The following COL23A1 variants were observed in gnomAD, a reference collection of about 807,000 sequenced individuals.
COL23A1 encodes the protein collagen type XXIII alpha 1 chain.
COL23A1 carries 97 observed loss-of-function variants against 99.3 expected under a neutral mutation model. The observed-to-expected ratio is 0.98, with a 90% CI of 0.83 to 1.16. The LOEUF (loss-of-function observed/expected upper bound fraction) is 1.16, where lower values mean the gene tolerates loss of function less well. Among genes scored for constraint, COL23A1 ranks in the 50% most tolerant of loss-of-function variants. The pLI is 0.00. For missense variants in COL23A1, 762 were observed against 757.4 expected, an observed-to-expected ratio of 1.01 and a Z score of -0.07; for synonymous variants, 320 against 308.2, an observed-to-expected ratio of 1.04 and a Z score of -0.40.
At position 178,463,083 on chromosome 5, in the gene COL23A1, G is replaced by A. The variant is rs115354362; in HGVS notation, c.361+97599C>T. On this transcript the variant is annotated intron_variant, in intron 2 of 28. Transcript: ENST00000390654. ...GTTAGGTGCAATTTCACGCCTCACC[G>A]CGCAGCGACACAAAGGGAACTATTT... is the stretch of plus-strand genomic sequence containing the variant. Among the ~76,000 whole-genome samples the A allele has an allele frequency of 8.0e-4, 122 of 152,334 alleles. 1 individual carries two copies. Among genetic ancestry groups the A allele is most frequent in the Middle Eastern group, 3.4e-3 (1 of 294 alleles).
At chr5:178,426,317 C>T (rs1272131214) in intron 2 of COL23A1, among the ~76,000 whole-genome samples, 1 of 152,228 alleles carries the variant, frequency 6.6e-6, no homozygotes, top group African/African-American at 2.4e-5. Context: ...GTCTCAACTT[C>T]AGCTCATCGC....
At position 178,309,684 on chromosome 5, in the gene COL23A1, C is replaced by T. The variant is rs1758562387; in HGVS notation, c.362-2765G>A. Among the ~76,000 whole-genome samples the T allele has an allele frequency of 7.3e-6, 1 of 136,648 alleles. No homozygotes were observed. The highest frequency in any genetic ancestry group is 2.8e-5 in the African/African-American group (1 of 36,184). 89.6% of individuals were successfully genotyped at this position (136,648 alleles called of 152,430 possible). ...CTTACCTGCAGGTCCCAGCAGCACC[C>T]AAGCAGTCAAGCCAGAGACCCCCCC... On this transcript the variant is annotated intron_variant, in intron 2 of 28. Coordinates refer to ENST00000390654, the MANE Select transcript of COL23A1 (RefSeq NM_173465.4). This position sits in a 1 kb window ranked among gnomAD's most constrained non-coding sequence, Gnocchi z 4.7.
chr5:178,419,931 C>T (rs752967199), intron 2 of COL23A1, among the ~76,000 whole-genome samples: 1 of 152,204 alleles, frequency 6.6e-6, no homozygotes, highest in Non-Finnish European at 1.5e-5. Flanking sequence ...GTCACTTTAC[C>T]CTTTTTGTCT....
intron 2 of COL23A1, among the ~76,000 whole-genome samples, chr5:178,423,296 T>G (rs1397128570): frequency 1.3e-5 from 2 of 152,088 alleles, no homozygotes; most frequent in African/African-American, 4.8e-5. Context: ...GAATTTTGCA[T>G]TTTGATCTTT....
chr5:178,361,798 C>T (rs1762188867), intron 2 of COL23A1, among the ~76,000 whole-genome samples: 1 of 152,146 alleles, frequency 6.6e-6, no homozygotes, highest in South Asian at 2.1e-4. Context: ...GAGCCATGCA[C>T]CGGCTCTCAC....
In COL23A1 at chr5:178,309,315, C is replaced by T. The variant is rs1268820268; in HGVS notation, c.362-2396G>A. Among the ~76,000 whole-genome samples, 1 of 152,124 alleles carries T rather than the reference C, an allele frequency of 6.6e-6. No homozygotes were observed. Among genetic ancestry groups the T allele is most frequent in the African/African-American group, 2.4e-5 (1 of 41,436 alleles). On this transcript the variant is annotated intron_variant, in intron 2 of 28. Transcript: ENST00000390654. The surrounding 1 kb of genome is among the most constrained non-coding windows in gnomAD (Gnocchi z 4.7). ...CCCAGGCAGGGTAGGGTGCCTGCCTCCCAGGGTCACTGGGCGATGCCCCCT... is the reference window on the plus strand; with the variant it reads ...CCCAGGCAGGGTAGGGTGCCTGCCTTCCAGGGTCACTGGGCGATGCCCCCT...
chr5:178,539,091 C>T (rs1284635856), intron 2 of COL23A1, among the ~76,000 whole-genome samples: 2 of 152,104 alleles, frequency 1.3e-5, no homozygotes, highest in African/African-American at 2.4e-5. Flanking sequence ...TAGGGGTTAA[C>T]GGCTAAGGGG....
Position 178,245,929 on chromosome 5 carries a change from A to G in COL23A1, c.1440+13T>C. On this transcript the variant is annotated intron_variant, in intron 25 of 28. Transcript: ENST00000390654. Reference sequence around the variant, plus strand: ...AGGCACCCAATTACTCAAAGTGATGATAAGACACTTACATCTAGTCCTGGC... The same window carrying G: ...AGGCACCCAATTACTCAAAGTGATGGTAAGACACTTACATCTAGTCCTGGC... 3 of 1,614,126 alleles carry G rather than the reference A, an allele frequency of 1.9e-6. No individual in the cohort carries two copies. Among genetic ancestry groups the G allele is most frequent in the South Asian group, 2.2e-5 (2 of 91,086 alleles).
At chr5:178,469,096 A>G (rs114382654) in intron 2 of COL23A1, among the ~76,000 whole-genome samples, 51 of 152,344 alleles carry the variant, frequency 3.3e-4, no homozygotes, top group Non-Finnish European at 5.9e-4. Context: ...CTTCCGTCTG[A>G]AAGCTGAACC....
Position 178,262,257 on chromosome 5 carries a change from G to A in COL23A1, c.640-5C>T, listed in dbSNP as rs370520549. 4.7e-5 allele frequency: 75 copies of A among 1,579,442 alleles called. No homozygotes were observed. The East Asian group carries it at 5.0e-4, about 11-fold the overall frequency. ...TCCGGGCTCTCCTTTGGGGCCCTGC[G>A]GAAGTGTGAGGGGACAGCAGTGAAG... is the stretch of plus-strand genomic sequence containing the variant. On this transcript the variant is annotated splice_region_variant and splice_polypyrimidine_tract_variant and intron_variant, in intron 9 of 28. Transcript: ENST00000390654.
intron 2 of COL23A1, among the ~76,000 whole-genome samples, chr5:178,535,265 TGCCCAG>T (rs1760875447): frequency 6.6e-6 from 1 of 152,192 alleles, no homozygotes; most frequent in Non-Finnish European, 1.5e-5. Flanking sequence ...TGAGCCACCG[TGCCCAG>T]CCCACAGCTT....
At chr5:178,376,097 C>T (rs1348600255) in intron 2 of COL23A1, among the ~76,000 whole-genome samples, 2 of 152,174 alleles carry the variant, frequency 1.3e-5, no homozygotes, top group Non-Finnish European at 2.9e-5. Context: ...TATTTAATAT[C>T]CCACTCTGCA....
intron 2 of COL23A1, among the ~76,000 whole-genome samples, chr5:178,461,603 A>G (rs560746218): frequency 1.2e-4 from 19 of 152,362 alleles, no homozygotes; most frequent in Admixed American, 1.2e-3. Context: ...AGACCGGAGT[A>G]GCCAGCATGC....
chr5:178,509,728 C>T (rs766383924), intron 2 of COL23A1, among the ~76,000 whole-genome samples: 13 of 152,160 alleles, frequency 8.5e-5, no homozygotes, highest in African/African-American at 1.9e-4. Context: ...ATCCCACCAC[C>T]GCCCCGCCCC....
rs1237515944 is a variant in COL23A1 at position 178,306,763 on chromosome 5, G to A, written c.406+112C>T. 5.3e-6 allele frequency: 4 copies of A among 755,264 alleles called. No individual in the cohort carries two copies. The highest frequency in any genetic ancestry group is 7.5e-4 in the Middle Eastern group (2 of 2,674). The allele number at this position is 755,264 out of a possible 1,614,324, so 46.8% of individuals were successfully genotyped here. On this transcript the variant is annotated intron_variant, in intron 3 of 28. Coordinates refer to ENST00000390654, the MANE Select transcript of COL23A1 (RefSeq NM_173465.4). The surrounding 1 kb of genome is among the most constrained non-coding windows in gnomAD (Gnocchi z 4.1). ...GGAAGGGGGAGGAGCACCTGCCCAG[G>A]ACCAAGGCATGACTCAGGGTGGGCA...
At chr5:178,533,031 G>A (rs1760735581) in intron 2 of COL23A1, among the ~76,000 whole-genome samples, 1 of 152,190 alleles carries the variant, frequency 6.6e-6, no homozygotes, top group Non-Finnish European at 1.5e-5. Context: ...CCTTGCTGGA[G>A]CATCACTTAG....
At chr5:178,250,012 G>A (rs757433508) in intron 18 of COL23A1, 49 bp downstream of exon 18, 6 of 1,593,450 alleles carry the variant, frequency 3.8e-6, no homozygotes, top group Non-Finnish European at 5.2e-6. Flanking sequence ...CACACACAGA[G>A]CCCAATACCA....
At chr5:178,492,555 G>C (rs1757987235) in intron 2 of COL23A1, among the ~76,000 whole-genome samples, 1 of 152,032 alleles carries the variant, frequency 6.6e-6, no homozygotes, top group Non-Finnish European at 1.5e-5. Flanking sequence ...TGTTATGGCA[G>C]CTCAAGCAAA....
At chr5:178,247,887 G>A (rs370402757) in intron 20 of COL23A1, 56 bp from the exon 21 acceptor site, 38 of 1,466,944 alleles carry the variant, frequency 2.6e-5, no homozygotes, top group Middle Eastern at 1.8e-4. Context: ...TCACCTACCC[G>A]CACCCGAGCT....
Sources: gnomAD v4.1 joint callset for allele counts (sites outside exome capture counted in the v4.1 genomes callset) on GRCh38, gnomAD v4.1.1 for gene constraint, Gnocchi (gnomAD v3.1) non-coding constraint, MANE v1.5 for transcripts, NCBI Gene and HGNC (gene_info 2026-07-23, HGNC 2026-07-21) for gene names.